Variants in SLC6A11 observed in about 807,000 individuals in gnomAD.
SLC6A11 encodes the protein sodium- and chloride-dependent GABA transporter 3.
Under a neutral mutation model 74.8 loss-of-function variants are expected in SLC6A11, and 25 were observed. That is an observed-to-expected ratio of 0.33 (90% CI 0.24 to 0.47). SLC6A11 has a LOEUF of 0.47. Ranked by LOEUF, SLC6A11 falls within the 20% of genes least tolerant of loss-of-function variation. The pLI, the probability that SLC6A11 is intolerant of heterozygous loss-of-function variation, is 1.00. For synonymous variants in SLC6A11, 330 were observed against 330.2 expected (o/e 1.00, Z 0.01); for missense variants, 574 against 837.0 (o/e 0.69, Z 3.88).
chr3:10,816,617 G>T lies in SLC6A11; in HGVS notation c.256+96G>T. ...GCGAGACCCCCTCCCGCGCCTGCGT[G>T]GAGCGGAACCCGAGCGGAGAACCTC... On this transcript the variant is annotated intron_variant, in intron 1 of 13. Coordinates refer to ENST00000254488, the MANE Select transcript of SLC6A11 (RefSeq NM_014229.3). The surrounding 1 kb of genome is among the most constrained non-coding windows in gnomAD (Gnocchi z 4.2). The T allele has an allele frequency of 7.7e-7, 1 of 1,298,218 alleles. No homozygotes were observed. Among genetic ancestry groups the T allele is most frequent in the Non-Finnish European group, 1.0e-6 (1 of 975,640 alleles). 80.4% of individuals were successfully genotyped at this position (1,298,218 alleles called of 1,614,324 possible). A position where few individuals can be genotyped will look rare whatever the true frequency, so the allele number is the denominator to read the frequency against.
intron 6 of SLC6A11, among the ~76,000 whole-genome samples, chr3:10,902,301 G>T (rs1695250547): frequency 6.6e-6 from 1 of 152,230 alleles, no homozygotes; most frequent in Non-Finnish European, 1.5e-5. Flanking sequence ...ATGAAGTGTT[G>T]GTTCTTCCCA....
chr3:10,891,199 C>G (rs1393297892), intron 6 of SLC6A11, among the ~76,000 whole-genome samples: 1 of 152,310 alleles, frequency 6.6e-6, no homozygotes, highest in East Asian at 1.9e-4. Flanking sequence ...GTTTTGACTT[C>G]TCATTTCTAG....
At chr3:10,922,465 T>C (rs1226537775) in intron 8 of SLC6A11, among the ~76,000 whole-genome samples, 6 of 152,038 alleles carry the variant, frequency 3.9e-5, no homozygotes, top group Admixed American at 1.3e-4. Flanking sequence ...ATCCTACCCA[T>C]TATGTGAAAA....
intron 5 of SLC6A11, among the ~76,000 whole-genome samples, chr3:10,871,280 G>A (rs1694825603): frequency 1.3e-5 from 2 of 152,136 alleles, no homozygotes; most frequent in Non-Finnish European, 2.9e-5. Context: ...TGGCCCCACA[G>A]GTGAAGGACA....
At chr3:10,820,143 G>C (rs1034307596) in intron 3 of SLC6A11, among the ~76,000 whole-genome samples, 5 of 152,194 alleles carry the variant, frequency 3.3e-5, no homozygotes, top group African/African-American at 7.2e-5. Context: ...GGGGCAGGAT[G>C]GGGGTGTGAG....
intron 4 of SLC6A11, among the ~76,000 whole-genome samples, chr3:10,840,537 G>T (rs553482301): frequency 6.6e-6 from 1 of 152,190 alleles, no homozygotes; most frequent in African/African-American, 2.4e-5. Flanking sequence ...CACTGATGAC[G>T]CTTTCGTAAG....
chr3:10,888,335 A>T (rs11715462), intron 6 of SLC6A11, among the ~76,000 whole-genome samples: 21,947 of 152,194 alleles, frequency 0.14, 2,217 homozygotes, highest in African/African-American at 0.28. Context: ...ATACAGCCAG[A>T]TTGGGGGAAA....
At chr3:10,934,890 T>A in intron 12 of SLC6A11, 139 bp from the exon 13 acceptor site, 3 of 732,646 alleles carry the variant, frequency 4.1e-6, no homozygotes, top group Non-Finnish European at 7.0e-6. Flanking sequence ...TGGCAGGGCC[T>A]CACTTTTCAT....
At chr3:10,831,925 C>G (rs905548245) in intron 4 of SLC6A11, among the ~76,000 whole-genome samples, 4 of 152,194 alleles carry the variant, frequency 2.6e-5, no homozygotes, top group African/African-American at 9.7e-5. Context: ...TCATCATTTA[C>G]TGTTTCCTTC....
intron 5 of SLC6A11, among the ~76,000 whole-genome samples, chr3:10,844,874 G>T (rs1268440103): frequency 1.3e-5 from 2 of 152,216 alleles, no homozygotes; most frequent in Non-Finnish European, 2.9e-5. Context: ...CCAGGGAAGA[G>T]AAACTGGAGG....
chr3:10,860,266 T>C (rs1559562657), intron 5 of SLC6A11, among the ~76,000 whole-genome samples: 1 of 152,316 alleles, frequency 6.6e-6, no homozygotes, highest in African/African-American at 2.4e-5. Context: ...TCAGCTATAG[T>C]GATGAAACAG....
In SLC6A11 at chr3:10,816,452, G is replaced by C; in HGVS notation, c.187G>C (p.Val63Leu). 6.2e-7 allele frequency: 1 copy of C among 1,604,522 alleles called. No homozygotes were observed. The highest frequency in any genetic ancestry group is 8.5e-7 in the Non-Finnish European group (1 of 1,175,968). ...CAACAAGGTGGAGTTCGTGCTGAGCGTGGCCGGGGAGATCATTGGGCTGGG... is the reference window on the plus strand; with the variant it reads ...CAACAAGGTGGAGTTCGTGCTGAGCCTGGCCGGGGAGATCATTGGGCTGGG... ...WNNKVEFVLS[V>L]AGEIIGLGNV... Residue 63 changes from valine (V) to leucine (L), a missense_variant, in exon 1 of 14, where the codon GTG (valine) becomes CTG (leucine). Physicochemically the swap from Val to Leu is conservative, Grantham distance 32. This residue lies in a region of SLC6A11 where 215 missense variants were observed against 357.9 expected (regional missense o/e 0.60). Transcript: ENST00000254488. This position sits in a 1 kb window ranked among gnomAD's most constrained non-coding sequence, Gnocchi z 4.2.
intron 6 of SLC6A11, among the ~76,000 whole-genome samples, chr3:10,879,941 A>G (rs1405584433): frequency 6.6e-6 from 1 of 152,158 alleles, no homozygotes; most frequent in Non-Finnish European, 1.5e-5. Flanking sequence ...ACATACACAT[A>G]TATGTCATAT....
At position 10,926,776 on chromosome 3, in the gene SLC6A11, G is replaced by A. The variant is rs143030968; in HGVS notation, c.1233+660G>A. Among the ~76,000 whole-genome samples the A allele has an allele frequency of 8.1e-4, 123 of 152,106 alleles. No individual in the cohort carries two copies. The highest frequency in any genetic ancestry group is 2.6e-3 in the African/African-American group (109 of 41,494). On this transcript the variant is annotated intron_variant, in intron 9 of 13. Coordinates refer to ENST00000254488, the MANE Select transcript of SLC6A11 (RefSeq NM_014229.3). The surrounding 1 kb of genome is among the most constrained non-coding windows in gnomAD (Gnocchi z 5.7). The stretch of plus-strand genomic sequence containing the variant: ...CACAGCACGCAGGCGCTCGCTTCCC[G>A]CACTGAGCACACTCCAGACTCCCAT...
chr3:10,907,686 A>C (rs1695323454), intron 6 of SLC6A11, among the ~76,000 whole-genome samples: 1 of 152,254 alleles, frequency 6.6e-6, no homozygotes, highest in Non-Finnish European at 1.5e-5. Flanking sequence ...TTTCTACCAC[A>C]GCACTTTGTG....
chr3:10,816,360 G>T lies in SLC6A11; in HGVS notation c.95G>T (p.Gly32Val). Reference sequence around the variant, plus strand: ...CCGGGTGGCGGCTGCAGCAGCGGGGGCGCGGCGCCCGCGCGCCACCCGCGC... The same window carrying T: ...CCGGGTGGCGGCTGCAGCAGCGGGGTCGCGGCGCCCGCGCGCCACCCGCGC... ...EAPGGGCSSG[G>V]AAPARHPRVK... The change falls in exon 1 of 14, where the codon GGC becomes GTC. Residue 32 changes from glycine to valine, a missense_variant. This residue lies in a region of SLC6A11 where 86 missense variants were observed against 87.4 expected (regional missense o/e 0.98). Transcript: ENST00000254488. The surrounding 1 kb of genome is among the most constrained non-coding windows in gnomAD (Gnocchi z 4.2). 2 of 1,462,606 alleles carry T rather than the reference G, an allele frequency of 1.4e-6. No homozygotes were observed. Among genetic ancestry groups the T allele is most frequent in the East Asian group, 3.0e-5 (1 of 33,892 alleles). The allele number at this position is 1,462,606 out of a possible 1,614,324, so 90.6% of individuals were successfully genotyped here.
Position 10,902,883 on chromosome 3 carries a change from C to T in SLC6A11, c.892-9207C>T, listed in dbSNP as rs114711834. Among the ~76,000 whole-genome samples the T allele has an allele frequency of 6.0e-3, 907 of 152,328 alleles. 8 individuals carry two copies. Among genetic ancestry groups the T allele is most frequent in the South Asian group, 0.017 (83 of 4,826 alleles). On this transcript the variant is annotated intron_variant, in intron 6 of 13. Coordinates refer to ENST00000254488, the MANE Select transcript of SLC6A11 (RefSeq NM_014229.3). ...TGTACATTTCTCTAAAGTAAATGGACAAGTGACTTCCTCTCCCTGGGTGTT... is the reference window on the plus strand; with the variant it reads ...TGTACATTTCTCTAAAGTAAATGGATAAGTGACTTCCTCTCCCTGGGTGTT...
At chr3:10,843,133 G>A (rs1182028399) in intron 4 of SLC6A11, among the ~76,000 whole-genome samples, 1 of 152,084 alleles carries the variant, frequency 6.6e-6, no homozygotes, top group African/African-American at 2.4e-5. Flanking sequence ...ACAATATGGA[G>A]CGTGGCGAGT....
At chr3:10,876,142 C>T (rs906438362) in intron 6 of SLC6A11, among the ~76,000 whole-genome samples, 11 of 152,076 alleles carry the variant, frequency 7.2e-5, no homozygotes, top group Non-Finnish European at 1.0e-4. Flanking sequence ...GTGGGGGAAG[C>T]GTTTGTTGGG....
Sources: gnomAD v4.1 joint callset for allele counts (sites outside exome capture counted in the v4.1 genomes callset) on GRCh38, gnomAD v4.1.1 for gene constraint, gnomAD v4.1.1 regional missense constraint, Gnocchi (gnomAD v3.1) non-coding constraint, MANE v1.5 for transcripts, NCBI Gene and HGNC (gene_info 2026-07-23, HGNC 2026-07-21) for gene names.